The following TOGARAM2 variants were observed in gnomAD, a reference collection of about 807,000 sequenced individuals.
TOGARAM2 encodes the protein TOG array regulator of axonemal microtubules protein 2.
TOGARAM2 carries 85 observed loss-of-function variants against 93.3 expected under a neutral mutation model. That is an observed-to-expected ratio of 0.91 (90% CI 0.76 to 1.09). The LOEUF (loss-of-function observed/expected upper bound fraction) is 1.09, where lower values mean the gene tolerates loss of function less well. Among genes scored for constraint, TOGARAM2 ranks in the 50% least tolerant of loss-of-function variants. The pLI is 0.00. For synonymous variants in TOGARAM2, 593 were observed against 552.8 expected, an observed-to-expected ratio of 1.07 and a Z score of -1.02; for missense variants, 1,277 against 1,334.5, an observed-to-expected ratio of 0.96 and a Z score of 0.67.
intron 7 of TOGARAM2, among the ~76,000 whole-genome samples, chr2:29,012,632 A>T (rs1664322668): frequency 6.6e-6 from 1 of 152,196 alleles, no homozygotes; most frequent in Admixed American, 6.5e-5. Flanking sequence ...GGCTGCTCAG[A>T]CAGGGCTTTC....
chr2:29,019,569 A>T (rs191156568), intron 10 of TOGARAM2, among the ~76,000 whole-genome samples: 1 of 152,162 alleles, frequency 6.6e-6, no homozygotes, highest in Non-Finnish European at 1.5e-5. Context: ...CCATCTAAAG[A>T]TCACTAGACT....
chr2:29,019,112 T>C (rs1167055861), intron 10 of TOGARAM2, among the ~76,000 whole-genome samples: 1 of 151,670 alleles, frequency 6.6e-6, no homozygotes, highest in African/African-American at 2.4e-5. Flanking sequence ...GCAAAAATCA[T>C]GAAAGTGGTA....
intron 1 of TOGARAM2, among the ~76,000 whole-genome samples, chr2:28,976,244 G>A (rs1241510820): frequency 2.0e-5 from 3 of 152,220 alleles, no homozygotes; most frequent in African/African-American, 4.8e-5. Flanking sequence ...GGTGGCGGGT[G>A]CCTGTAGTCC....
chr2:28,963,416 C>A (rs1429245370), intron 1 of TOGARAM2, among the ~76,000 whole-genome samples: 1 of 152,110 alleles, frequency 6.6e-6, no homozygotes, highest in African/African-American at 2.4e-5. Context: ...CTCTGTCAAC[C>A]CAGGCTAGAC....
chr2:29,014,764 G>T (rs559440400), intron 8 of TOGARAM2, among the ~76,000 whole-genome samples: 8 of 152,114 alleles, frequency 5.3e-5, no homozygotes, highest in Non-Finnish European at 1.0e-4. Context: ...AGAAAGGATG[G>T]GGGTCAGAAG....
At chr2:29,019,548 C>T (rs1428523822) in intron 10 of TOGARAM2, among the ~76,000 whole-genome samples, 2 of 152,110 alleles carry the variant, frequency 1.3e-5, no homozygotes, top group Non-Finnish European at 2.9e-5. Context: ...TCATGGTGCC[C>T]CATAGTACCA....
intron 1 of TOGARAM2, among the ~76,000 whole-genome samples, chr2:28,961,987 T>C (rs572589639): frequency 1.3e-5 from 2 of 152,166 alleles, no homozygotes; most frequent in Non-Finnish European, 2.9e-5. Flanking sequence ...AGTAGTGACA[T>C]TTATCATTGA....
At chr2:29,015,304 C>G (rs529166763) in intron 8 of TOGARAM2, among the ~76,000 whole-genome samples, 2 of 152,286 alleles carry the variant, frequency 1.3e-5, no homozygotes, top group Admixed American at 6.5e-5. Context: ...CACTTCTGCG[C>G]TCCCTCCTGT....
chr2:28,975,063 T>G, intron 1 of TOGARAM2, among the ~76,000 whole-genome samples: 1 of 152,166 alleles, frequency 6.6e-6, no homozygotes, highest in Admixed American at 6.5e-5. Context: ...ATTGTATTTT[T>G]CTTTCTTAAA....
chr2:29,027,486 C>T (rs911180679), intron 14 of TOGARAM2, among the ~76,000 whole-genome samples: 5 of 151,804 alleles, frequency 3.3e-5, no homozygotes, highest in East Asian at 1.9e-4. Context: ...AAAAATAGGC[C>T]GGATGTGGTT....
chr2:29,045,866 A>G (rs945986580), intron 19 of TOGARAM2: 7 of 236,572 alleles, frequency 3.0e-5, no homozygotes, highest in Non-Finnish European at 5.8e-5. Context: ...GGGACACTCA[A>G]CCTGTGTGCG....
intron 12 of TOGARAM2, among the ~76,000 whole-genome samples, chr2:29,023,710 G>A (rs1457858214): frequency 6.6e-6 from 1 of 152,190 alleles, no homozygotes; most frequent in Non-Finnish European, 1.5e-5. Flanking sequence ...TGTGTGGGGA[G>A]CATCTGCCTT....
intron 1 of TOGARAM2, among the ~76,000 whole-genome samples, chr2:28,986,989 T>C (rs1255305058): frequency 6.6e-6 from 1 of 152,196 alleles, no homozygotes; most frequent in African/African-American, 2.4e-5. Context: ...TTTAACCCTG[T>C]TGACTCCTGA....
chr2:28,978,618 T>A (rs1572621279), upstream of TOGARAM2, among the ~76,000 whole-genome samples: 2 of 152,340 alleles, frequency 1.3e-5, no homozygotes, highest in East Asian at 3.9e-4. Flanking sequence ...CTTGAGTAGA[T>A]TTCTGGGGTA....
At chr2:28,994,533 C>T (rs1386962369) in intron 1 of TOGARAM2, among the ~76,000 whole-genome samples, 192 bp from the exon 2 acceptor site, 1 of 152,208 alleles carries the variant, frequency 6.6e-6, no homozygotes, top group African/African-American at 2.4e-5. Context: ...ACGAACTCTT[C>T]CCAAAACCAC....
At chr2:28,982,872 G>T (rs999363460) in intron 1 of TOGARAM2, among the ~76,000 whole-genome samples, 1 of 152,058 alleles carries the variant, frequency 6.6e-6, no homozygotes, top group Non-Finnish European at 1.5e-5. Context: ...ACCCACCCCC[G>T]TGGGCCCTGT....
intron 16 of TOGARAM2, 140 bp from the exon 17 acceptor site, chr2:29,035,324 G>A (rs1666022602): frequency 1.5e-6 from 1 of 652,702 alleles, no homozygotes; most frequent in East Asian, 3.4e-5. Context: ...TAGGTGGAGG[G>A]GAAGCTGGGG....
At chr2:29,017,584 A>G (rs1664664013) in intron 9 of TOGARAM2, among the ~76,000 whole-genome samples, 1 of 151,814 alleles carries the variant, frequency 6.6e-6, no homozygotes, top group Non-Finnish European at 1.5e-5. Context: ...TTTCTTTTAA[A>G]TTTTCTGTAG....
chr2:29,048,802 C>T (rs925262649), intron 19 of TOGARAM2: 1 of 150,416 alleles, frequency 6.6e-6, no homozygotes, highest in African/African-American at 2.5e-5. Context: ...CTTCAGGCTC[C>T]CAAGTAACTG....
Sources: allele counts gnomAD v4.1 joint callset (sites outside exome capture counted in the v4.1 genomes callset), GRCh38; gene constraint gnomAD v4.1.1; transcripts MANE v1.5; gene names NCBI Gene and HGNC (gene_info 2026-07-23, HGNC 2026-07-21).